The following RSPO3 variants were observed in gnomAD, a reference collection of about 807,000 sequenced individuals.
RSPO3 encodes the protein R-spondin-3.
RSPO3 carries 17 observed loss-of-function variants against 36.5 expected under a neutral mutation model. That is an observed-to-expected ratio of 0.47 (90% CI 0.32 to 0.70). The LOEUF (loss-of-function observed/expected upper bound fraction) is 0.70, where lower values mean the gene tolerates loss of function less well. RSPO3 is among the 30% of genes least tolerant of loss of function. The pLI is 0.04. For missense variants in RSPO3, 294 were observed against 322.5 expected (o/e 0.91, Z 0.68); for synonymous variants, 108 against 107.0 (o/e 1.01, Z -0.06).
rs923554139 is a variant in RSPO3, at chr6:127,121,111, G to C, written c.97+1822G>C. The stretch of plus-strand genomic sequence containing the variant: ...GCACGCTCTCTCCTTTACCCCCACC[G>C]AGGACCCCCGGGCTGGGAGCCACAC... On this transcript the variant is annotated intron_variant, in intron 1 of 4. Coordinates refer to ENST00000356698, the MANE Select transcript of RSPO3 (RefSeq NM_032784.5). Among the ~76,000 whole-genome samples the C allele has an allele frequency of 3.3e-5, 5 of 152,200 alleles. No homozygotes were observed. In the South Asian group the frequency reaches 8.3e-4, roughly 25 times the overall value.
intron 4 of RSPO3, among the ~76,000 whole-genome samples, chr6:127,194,996 T>C (rs564134645): frequency 6.6e-6 from 1 of 152,344 alleles, no homozygotes; most frequent in African/African-American, 2.4e-5. Context: ...ATATTTATGT[T>C]AAAATACAAT....
At chr6:127,142,075 A>G (rs1046038048) in intron 1 of RSPO3, among the ~76,000 whole-genome samples, 1 of 152,210 alleles carries the variant, frequency 6.6e-6, no homozygotes, top group African/African-American at 2.4e-5. Context: ...ATTTGGACAT[A>G]TAAACATGTG....
intron 1 of RSPO3, among the ~76,000 whole-genome samples, chr6:127,123,411 A>G (rs1042600127): frequency 1.3e-5 from 2 of 152,150 alleles, no homozygotes; most frequent in African/African-American, 2.4e-5. Context: ...TTTGCTGAAG[A>G]AAGTGTATTC....
intron 1 of RSPO3, 80 bp from the exon 2 acceptor site, chr6:127,148,568 A>G (rs1458679303): frequency 3.6e-6 from 4 of 1,107,120 alleles, no homozygotes; most frequent in Non-Finnish European, 5.0e-6. Context: ...ATGAAAGAGA[A>G]CATATATCCT....
Position 127,150,544 on chromosome 6 carries a change from C to T in RSPO3, c.408C>T (p.Asn136=). Residue 136 remains asparagine, a synonymous_variant, in exon 3 of 5, where the codon AAC becomes AAT. Coordinates refer to ENST00000356698, the MANE Select transcript of RSPO3 (RefSeq NM_032784.5). ...LDNCPEGLEA[N]NHTMECVSIV... is the part of the protein sequence containing the mutation. ...ATTGCCCAGAAGGGTTGGAAGCCAA[C>T]AACCATACTATGGAGTGTGTCAGTA... The T allele has an allele frequency of 1.2e-6, 2 of 1,611,806 alleles. No homozygotes were observed. Among genetic ancestry groups the T allele is most frequent in the South Asian group, 1.1e-5 (1 of 90,892 alleles).
chr6:127,192,504 A>G, intron 4 of RSPO3: 1 of 210,298 alleles, frequency 4.8e-6, no homozygotes, highest in Non-Finnish European at 8.2e-6. Flanking sequence ...CAGACCTAGA[A>G]TTTGAAAACA....
At chr6:127,172,920 A>C (rs1774970260) in intron 4 of RSPO3, among the ~76,000 whole-genome samples, 1 of 151,744 alleles carries the variant, frequency 6.6e-6, no homozygotes, top group South Asian at 2.1e-4. Context: ...GTATATAACT[A>C]CCTTAAGAAT....
At chr6:127,131,692 GTGC>G (rs571074553) in intron 1 of RSPO3, among the ~76,000 whole-genome samples, 61 of 152,196 alleles carry the variant, frequency 4.0e-4, no homozygotes, top group African/African-American at 1.4e-3. Flanking sequence ...TTATAAAACA[GTGC>G]TGCATTTATC....
chr6:127,182,314 A>G (rs188371638), intron 4 of RSPO3, among the ~76,000 whole-genome samples: 3 of 152,000 alleles, frequency 2.0e-5, no homozygotes, highest in East Asian at 3.9e-4. Flanking sequence ...AAACTATAGC[A>G]TTACCTTAAC....
intron 1 of RSPO3, among the ~76,000 whole-genome samples, chr6:127,139,204 G>A (rs1892171): frequency 0.56 from 85,095 of 151,972 alleles, 23,821 homozygotes; most frequent in African/African-American, 0.6. Context: ...TCAGAATTTT[G>A]TATGTGATAC....
rs56388820 is a variant in RSPO3, at chr6:127,144,643, G to GTTTTTTTTTTT, written c.98-4002_98-3992dup. Among the ~76,000 whole-genome samples the GTTTTTTTTTTT allele has an allele frequency of 1.4e-4, 14 of 99,126 alleles. 3 individuals are homozygous for GTTTTTTTTTTT. The highest frequency in any genetic ancestry group is 1.7e-4 in the African/African-American group (4 of 24,074). The allele number at this position is 99,126 out of a possible 152,430, so 65.0% of individuals were successfully genotyped here. On this transcript the variant is annotated intron_variant, in intron 1 of 4. Coordinates refer to ENST00000356698, the MANE Select transcript of RSPO3 (RefSeq NM_032784.5). ...TGTAATTTTTCAGTAGCTTCCCCTT[G>GTTTTTTTTTTT]TTTTTTTTTTTTTCAGACAGAGTCT...
intron 1 of RSPO3, among the ~76,000 whole-genome samples, chr6:127,122,234 A>G (rs972654264): frequency 2.0e-5 from 3 of 152,246 alleles, no homozygotes; most frequent in Admixed American, 2.0e-4. Context: ...TCATAAAAGA[A>G]ACAATGTTTT....
intron 1 of RSPO3, among the ~76,000 whole-genome samples, chr6:127,132,246 T>C (rs1774073210): frequency 1.3e-5 from 2 of 152,138 alleles, no homozygotes; most frequent in Non-Finnish European, 2.9e-5. Flanking sequence ...GCCTAAATGA[T>C]AGATCTTAGT....
intron 1 of RSPO3, among the ~76,000 whole-genome samples, chr6:127,147,177 A>G (rs1774402215): frequency 6.6e-6 from 1 of 152,112 alleles, no homozygotes; most frequent in African/African-American, 2.4e-5. Flanking sequence ...ATGGTTTCCT[A>G]CAGGCAGAGG....
At chr6:127,194,982 A>G (rs1161363065) in intron 4 of RSPO3, among the ~76,000 whole-genome samples, 1 of 152,244 alleles carries the variant, frequency 6.6e-6, no homozygotes, top group Non-Finnish European at 1.5e-5. Flanking sequence ...ATTTCAACAT[A>G]CAAATATTTA....
At chr6:127,187,756 C>T (rs547804439) in intron 4 of RSPO3, among the ~76,000 whole-genome samples, 1 of 151,902 alleles carries the variant, frequency 6.6e-6, no homozygotes, top group Non-Finnish European at 1.5e-5. Flanking sequence ...GAACTTTTAA[C>T]CAAAAAGCAG....
intron 4 of RSPO3, among the ~76,000 whole-genome samples, chr6:127,178,272 T>C (rs932065544): frequency 5.3e-5 from 8 of 151,776 alleles, no homozygotes; most frequent in African/African-American, 1.9e-4. Context: ...ACACATAAGC[T>C]TCTTAATTAC....
intron 1 of RSPO3, among the ~76,000 whole-genome samples, chr6:127,124,145 T>TAA (rs1419745193): frequency 6.6e-6 from 1 of 152,066 alleles, no homozygotes; most frequent in East Asian, 1.9e-4. Context: ...TCTGCAATTA[T>TAA]AAGAATGAGC....
intron 4 of RSPO3, among the ~76,000 whole-genome samples, chr6:127,163,068 A>G (rs1357771327): frequency 6.6e-6 from 1 of 152,136 alleles, no homozygotes; most frequent in Non-Finnish European, 1.5e-5. Context: ...GTTCTAGCCA[A>G]CTGAGATCCC....
Sources: allele counts gnomAD v4.1 joint callset (sites outside exome capture counted in the v4.1 genomes callset), GRCh38; gene constraint gnomAD v4.1.1; transcripts MANE v1.5; gene names NCBI Gene and HGNC (gene_info 2026-07-23, HGNC 2026-07-21).